The following SLTM variants were observed in gnomAD, a reference collection of about 807,000 sequenced individuals.
SLTM encodes the protein SAFB like transcription modulator.
SLTM carries 43 observed loss-of-function variants against 134.6 expected under a neutral mutation model. The observed-to-expected ratio is 0.32, with a 90% CI of 0.25 to 0.41. The LOEUF (loss-of-function observed/expected upper bound fraction) is 0.41. SLTM is among the 10% of genes least tolerant of loss of function. The pLI, the probability that SLTM is intolerant of heterozygous loss-of-function variation, is 1.00. For missense variants in SLTM, 1,055 were observed against 1,288.8 expected, an observed-to-expected ratio of 0.82 and a Z score of 2.78; for synonymous variants, 424 against 432.3, an observed-to-expected ratio of 0.98 and a Z score of 0.24.
At position 58,903,122 on chromosome 15, in the gene SLTM, G is replaced by A. The variant is rs188620964; in HGVS notation, c.562-1835C>T. 7.0e-3 allele frequency among the ~76,000 whole-genome samples: 1,060 copies of A among 151,684 alleles called. 11 individuals carry two copies. The highest frequency in any genetic ancestry group is 0.025 in the African/African-American group (1,029 of 41,336). ...TCACCATGTTAGCCAAGACAGTCTCGATCTCCTGACCTCGTGATCCACCCG... is the reference window on the plus strand; with the variant it reads ...TCACCATGTTAGCCAAGACAGTCTCAATCTCCTGACCTCGTGATCCACCCG... On this transcript the variant is annotated intron_variant, in intron 5 of 20. Coordinates refer to ENST00000380516, the MANE Select transcript of SLTM (RefSeq NM_024755.4).
chr15:58,933,503 C>G lies in SLTM; in HGVS notation c.63G>C (p.Lys21Asn). The G allele has an allele frequency of 6.2e-7, 1 of 1,600,024 alleles. No homozygotes were observed. Among genetic ancestry groups the G allele is most frequent in the Non-Finnish European group, 8.5e-7 (1 of 1,173,960 alleles). Residue 21 changes from lysine (K) to asparagine (N), a missense_variant, in exon 1 of 21, where the codon AAG becomes AAC. Physicochemically the swap from Lys to Asn is moderately conservative, Grantham distance 94. Coordinates refer to ENST00000380516, the MANE Select transcript of SLTM (RefSeq NM_024755.4). Reference protein sequence around the residue: ...SAASGQAEGKKITDLRVIDLK... With the variant: ...SAASGQAEGKNITDLRVIDLK... ...GATCGATGACCCGCAGATCGGTGATCTTTTTACCTTCCGCCTGACCCGAGG... is the reference window on the plus strand; with the variant it reads ...GATCGATGACCCGCAGATCGGTGATGTTTTTACCTTCCGCCTGACCCGAGG...
intron 5 of SLTM, among the ~76,000 whole-genome samples, chr15:58,905,393 C>T (rs1229909566): frequency 6.6e-6 from 1 of 151,956 alleles, no homozygotes; most frequent in Admixed American, 6.6e-5. Context: ...TTAAAGCAGA[C>T]TAAATTAACT....
intron 2 of SLTM, among the ~76,000 whole-genome samples, chr15:58,917,751 T>G (rs112105741): frequency 4.7e-4 from 72 of 152,196 alleles, no homozygotes; most frequent in African/African-American, 1.6e-3. Flanking sequence ...TTTAAGAATA[T>G]TTATTTATTT....
chr15:58,907,801 TATA>T (rs1372981958), intron 5 of SLTM, among the ~76,000 whole-genome samples: 2 of 152,098 alleles, frequency 1.3e-5, no homozygotes, highest in Non-Finnish European at 2.9e-5. Context: ...GAGTAAGAAT[TATA>T]ATCATTTTGT....
intron 2 of SLTM, among the ~76,000 whole-genome samples, chr15:58,919,557 G>A (rs549810424): frequency 3.3e-3 from 500 of 152,162 alleles, no homozygotes; most frequent in Non-Finnish European, 5.8e-3. Flanking sequence ...ACCCAGGAGG[G>A]CAAGGCTGCA....
Position 58,896,708 on chromosome 15 carries a change from T to C in SLTM, c.1227+407A>G, listed in dbSNP as rs544471281. On this transcript the variant is annotated intron_variant, in intron 9 of 20. Coordinates refer to ENST00000380516, the MANE Select transcript of SLTM (RefSeq NM_024755.4). Reference sequence around the variant, plus strand: ...CTGGACTAGAAATCTGTAACAAGGATCATATCTGGTTCTCCCCAGGCCCCC... The same window carrying C: ...CTGGACTAGAAATCTGTAACAAGGACCATATCTGGTTCTCCCCAGGCCCCC... Among the ~76,000 whole-genome samples, 14 of 152,278 alleles carry C rather than the reference T, an allele frequency of 9.2e-5. No homozygotes were observed. In the East Asian group the frequency reaches 1.9e-3, roughly 21 times the overall value.
chr15:58,917,957 T>A (rs1405879100), intron 2 of SLTM, among the ~76,000 whole-genome samples: 3 of 152,180 alleles, frequency 2.0e-5, no homozygotes, highest in African/African-American at 4.8e-5. Context: ...TTTCACCACG[T>A]TGGCCAGGCT....
At chr15:58,888,902 C>T (rs1415697470) in intron 16 of SLTM, among the ~76,000 whole-genome samples, 1 of 152,196 alleles carries the variant, frequency 6.6e-6, no homozygotes, top group African/African-American at 2.4e-5. Flanking sequence ...CCAGTTCACA[C>T]AACCTCTTCA....
chr15:58,908,628 CA>C (rs1419349205), intron 5 of SLTM, among the ~76,000 whole-genome samples: 11 of 151,892 alleles, frequency 7.2e-5, no homozygotes, highest in Admixed American at 2.0e-4. Context: ...CTCAACCTTC[CA>C]AAGTGCTGTG....
chr15:58,919,831 T>C (rs895412373), intron 2 of SLTM, among the ~76,000 whole-genome samples: 6 of 152,180 alleles, frequency 3.9e-5, no homozygotes, highest in African/African-American at 9.7e-5. Context: ...TGATGGTACA[T>C]AGGTCCATTA....
chr15:58,931,503 G>GC (rs1366032392), intron 2 of SLTM, among the ~76,000 whole-genome samples: 1 of 152,218 alleles, frequency 6.6e-6, no homozygotes, highest in East Asian at 1.9e-4. Context: ...TACAAAAAAT[G>GC]CAGCAGCTGT....
chr15:58,888,978 T>G (rs1228787357), intron 16 of SLTM, among the ~76,000 whole-genome samples: 1 of 150,788 alleles, frequency 6.6e-6, no homozygotes, highest in Admixed American at 6.6e-5. Context: ...TTCCACCTAT[T>G]TCTCTACACA....
intron 20 of SLTM, among the ~76,000 whole-genome samples, chr15:58,880,704 A>G (rs1014815862): frequency 6.6e-6 from 1 of 152,170 alleles, no homozygotes; most frequent in Non-Finnish European, 1.5e-5. Context: ...AGCTAGGACT[A>G]CAGGCAAGTG....
At chr15:58,925,109 T>C (rs1311549835) in intron 2 of SLTM, among the ~76,000 whole-genome samples, 1 of 151,920 alleles carries the variant, frequency 6.6e-6, no homozygotes, top group African/African-American at 2.4e-5. Context: ...TTATAAAATT[T>C]CTGTTGCAAG....
intron 16 of SLTM, 39 bp from the exon 17 acceptor site, chr15:58,888,594 C>T: frequency 6.2e-7 from 1 of 1,600,576 alleles, no homozygotes; most frequent in Non-Finnish European, 8.5e-7. Flanking sequence ...TAAATTAGTT[C>T]TACAGTAATC....
intron 3 of SLTM, among the ~76,000 whole-genome samples, chr15:58,915,674 C>A (rs2036583777): frequency 6.6e-6 from 1 of 152,038 alleles, no homozygotes; most frequent in Non-Finnish European, 1.5e-5. Context: ...AGGGCTAACT[C>A]CTCAACAAAA....
At chr15:58,930,652 TG>T (rs1368397231) in intron 2 of SLTM, among the ~76,000 whole-genome samples, 1 of 151,314 alleles carries the variant, frequency 6.6e-6, no homozygotes, top group Non-Finnish European at 1.5e-5. Context: ...AGTTTGAGGC[TG>T]CAAAGAGCTA....
At chr15:58,885,183 T>G (rs1377984244) in intron 19 of SLTM, among the ~76,000 whole-genome samples, 1 of 152,098 alleles carries the variant, frequency 6.6e-6, no homozygotes, top group Non-Finnish European at 1.5e-5. Context: ...CATCCATAAC[T>G]ATGGAAAACA....
chr15:58,931,076 C>CCA (rs2037846046), intron 2 of SLTM, among the ~76,000 whole-genome samples: 2 of 152,282 alleles, frequency 1.3e-5, no homozygotes, highest in Admixed American at 6.5e-5. Context: ...TCCTGATATA[C>CCA]TTATTTCTGA....
Sources: allele counts gnomAD v4.1 joint callset (sites outside exome capture counted in the v4.1 genomes callset), GRCh38; gene constraint gnomAD v4.1.1; transcripts MANE v1.5; gene names NCBI Gene and HGNC (gene_info 2026-07-23, HGNC 2026-07-21).